OVCH1: variants seen among roughly 807,000 people sequenced by gnomAD.
OVCH1 encodes ovochymase 1.
Under a neutral mutation model 138.4 loss-of-function variants are expected in OVCH1, and 139 were observed. The ratio of observed to expected loss-of-function variants is 1.00; its 90% CI spans 0.87 to 1.16. The LOEUF (loss-of-function observed/expected upper bound fraction) is 1.16, where lower values mean the gene tolerates loss of function less well. Among genes scored for constraint, OVCH1 ranks in the 50% most tolerant of loss-of-function variants. The pLI, the probability that OVCH1 is intolerant of heterozygous loss-of-function variation, is 0.00. For missense variants in OVCH1, 1,367 were observed against 1,357.9 expected (o/e 1.01, Z -0.11); for synonymous variants, 453 against 467.8 (o/e 0.97, Z 0.41).
rs201067443 is a variant in OVCH1, at chr12:29,496,656, C to T, written c.83G>A (p.Arg28His). Residue 28 changes from arginine (R) to histidine (H), a missense_variant, in exon 2 of 28, where the codon CGC (arginine) becomes CAC (histidine). By Grantham distance (29) the Arg-to-His change is conservative. Transcript: ENST00000318184. ...TTCCTTACTTTTCATGTTGACCATG[C>T]GAATTCCACACTTCAGTCCTGTGTA... The T allele has an allele frequency of 1.6e-4, 253 of 1,612,244 alleles. No individual in the cohort carries two copies. The highest frequency in any genetic ancestry group is 6.5e-4 in the Admixed American group (39 of 59,998).
exon 26 of OVCH1, chr12:29,439,362 T>C (rs1407900541): frequency 1.3e-6 from 2 of 1,579,462 alleles, no homozygotes; most frequent in Admixed American, 3.7e-5. Context: ...GATATATGTG[T>C]TAATAAAATT....
the OVCH1 span, among the ~76,000 whole-genome samples, chr12:29,405,021 C>CAAAAAAAAAAAAAAA: frequency 8.7e-5 from 7 of 80,436 alleles, no homozygotes; most frequent in African/African-American, 2.8e-4. Context: ...CACTCCACCT[C>CAAAAAAAAAAAAAAA]AAAAAAAAAA....
In OVCH1 at chr12:29,434,350, G is replaced by C. The variant is rs1650722932; in HGVS notation, c.3265-537C>G. 5.9e-5 allele frequency among the ~76,000 whole-genome samples: 9 copies of C among 152,170 alleles called. No individual in the cohort carries two copies. In the South Asian group the frequency reaches 1.9e-3, roughly 32 times the overall value. ...TGTTAAAAAAAATCTGCTCAATCTT[G>C]TACTTCATACAGGTTTAGCATGAGG... On this transcript the variant is annotated intron_variant, in intron 26 of 27. Transcript: ENST00000318184.
chr12:29,472,841 C>T (rs950607338), intron 15 of OVCH1, among the ~76,000 whole-genome samples, 188 bp downstream of exon 15: 1 of 152,138 alleles, frequency 6.6e-6, no homozygotes, highest in African/African-American at 2.4e-5. Flanking sequence ...CTCATTTGTT[C>T]TTCCCTCTAT....
intron 23 of OVCH1, 100 bp downstream of exon 23, chr12:29,445,178 A>G: frequency 7.6e-7 from 1 of 1,316,352 alleles, no homozygotes. Context: ...CCACAGAAAC[A>G]TAATTTCTTT....
chr12:29,486,468 AG>A, intron 7 of OVCH1, 120 bp from the exon 8 acceptor site: 1 of 783,370 alleles, frequency 1.3e-6, no homozygotes, highest in Non-Finnish European at 2.0e-6. Context: ...ATCAATGCAG[AG>A]GGAATCTTTT....
chr12:29,409,037 G>C (rs1465736506), downstream of OVCH1, among the ~76,000 whole-genome samples: 1 of 152,128 alleles, frequency 6.6e-6, no homozygotes, highest in African/African-American at 2.4e-5. Context: ...TTAGTCTTGG[G>C]AGAGTGTATG....
chr12:29,404,829 T>C, the OVCH1 span, among the ~76,000 whole-genome samples: 3 of 151,862 alleles, frequency 2.0e-5, no homozygotes, highest in African/African-American at 7.3e-5. Flanking sequence ...GAGACCAGTC[T>C]GGCCAACATA....
chr12:29,497,567 C>A, intron 1 of OVCH1, 56 bp downstream of exon 1: 1 of 1,599,382 alleles, frequency 6.3e-7, no homozygotes, highest in East Asian at 2.2e-5. Context: ...GAAGTCTTCC[C>A]TCTCCAGCAC....
chr12:29,450,098 T>C (rs550261126), intron 22 of OVCH1, among the ~76,000 whole-genome samples: 1 of 152,188 alleles, frequency 6.6e-6, no homozygotes, highest in South Asian at 2.1e-4. Flanking sequence ...ATTCAGAACA[T>C]AGGCATGGGC....
chr12:29,464,916 A>G (rs1410614358), intron 17 of OVCH1, among the ~76,000 whole-genome samples: 1 of 152,194 alleles, frequency 6.6e-6, no homozygotes, highest in Non-Finnish European at 1.5e-5. Context: ...GGAGAAATAA[A>G]GCTTTGAAAA....
At chr12:29,495,728 G>C (rs2136100661) in intron 3 of OVCH1, among the ~76,000 whole-genome samples, 1 of 152,162 alleles carries the variant, frequency 6.6e-6, no homozygotes, top group African/African-American at 2.4e-5. Context: ...GTTCACACAT[G>C]CAATGCCATT....
intron 27 of OVCH1, among the ~76,000 whole-genome samples, chr12:29,431,281 C>A (rs1941263305): frequency 1.3e-5 from 2 of 151,838 alleles, no homozygotes; most frequent in Non-Finnish European, 1.5e-5. Flanking sequence ...CCAAAAAAAA[C>A]AAAAGTGCTA....
chr12:29,435,609 C>T (rs1288055036), intron 26 of OVCH1, among the ~76,000 whole-genome samples: 1 of 152,150 alleles, frequency 6.6e-6, no homozygotes, highest in East Asian at 1.9e-4. Flanking sequence ...CCACCTCGGC[C>T]TCCCAAAGTG....
chr12:29,457,387 A>AT lies in OVCH1; in HGVS notation c.2281-1983dup, dbSNP rs57856732. 1.8e-3 allele frequency among the ~76,000 whole-genome samples: 127 copies of AT among 68,862 alleles called. 9 individuals are homozygous for AT. The highest frequency in any genetic ancestry group is 6.9e-3 in the African/African-American group (113 of 16,354). The allele number at this position is 68,862 out of a possible 152,430, so 45.2% of individuals were successfully genotyped here. A position where few individuals can be genotyped will look rare whatever the true frequency, so the allele number is the denominator to read the frequency against. On this transcript the variant is annotated intron_variant, in intron 19 of 27. Coordinates refer to ENST00000318184, the Ensembl canonical transcript of OVCH1. ...TAGTAAATATTCAGCAAACAAATGA[A>AT]TTTTTTTTTTTTTTTTTTTTTTTTT...
chr12:29,444,676 CAT>C (rs1213075671), intron 23 of OVCH1, among the ~76,000 whole-genome samples: 1 of 151,956 alleles, frequency 6.6e-6, no homozygotes, highest in African/African-American at 2.4e-5. Flanking sequence ...TCTAGAATAA[CAT>C]ATTCTCAGCA....
In OVCH1 at chr12:29,473,160, C is replaced by T. The variant is rs1018848446; in HGVS notation, c.1601-57G>A. 7 of 1,243,608 alleles carry T rather than the reference C, an allele frequency of 5.6e-6. No homozygotes were observed. In the Admixed American group the frequency reaches 1.4e-4, roughly 25 times the overall value. The allele number at this position is 1,243,608 out of a possible 1,614,324, so 77.0% of individuals were successfully genotyped here. A position where few individuals can be genotyped will look rare whatever the true frequency, so the allele number is the denominator to read the frequency against. ...ATTAGAGAAGTTGCACTAACTGACC[C>T]CACTTGCTTACCCTGGTAAATCATA... On this transcript the variant is annotated intron_variant, in intron 14 of 27. Coordinates refer to ENST00000318184, the Ensembl canonical transcript of OVCH1.
chr12:29,487,747 T>C (rs940387360), exon 7 of OVCH1: 1 of 1,605,652 alleles, frequency 6.2e-7, no homozygotes, highest in Non-Finnish European at 8.5e-7. Context: ...TTGGAGAAAA[T>C]GCCAAGTGAT....
chr12:29,454,927 G>A (rs761548223), exon 21 of OVCH1: 2 of 1,608,408 alleles, frequency 1.2e-6, no homozygotes, highest in Non-Finnish European at 1.7e-6. Flanking sequence ...CTGAAGTGAA[G>A]CAGGACCTGT....
Sources: allele counts gnomAD v4.1 joint callset (sites outside exome capture counted in the v4.1 genomes callset), GRCh38; gene constraint gnomAD v4.1.1; transcripts MANE v1.5; gene names NCBI Gene and HGNC (gene_info 2026-07-23, HGNC 2026-07-21).